PTPRD: variants seen among roughly 807,000 people sequenced by gnomAD.
PTPRD encodes receptor-type tyrosine-protein phosphatase delta.
In PTPRD, 34 loss-of-function variants were observed where a neutral mutation model predicts 214.5. The observed-to-expected ratio is 0.16, with a 90% CI of 0.12 to 0.21. The LOEUF (loss-of-function observed/expected upper bound fraction) is 0.21. Ranked by LOEUF, PTPRD falls within the 10% of genes least tolerant of loss-of-function variation. The pLI is 1.00. For missense variants in PTPRD, 2,545 were observed against 2,398.7 expected, an observed-to-expected ratio of 1.06 and a Z score of -1.27; for synonymous variants, 1,128 against 845.7, an observed-to-expected ratio of 1.33 and a Z score of -5.79.
chr9:8,713,433 G>C (rs1597718604), intron 12 of PTPRD: 1 of 1,096,434 alleles, frequency 9.1e-7, no homozygotes, highest in East Asian at 2.4e-5. Context: ...TCGTCGCCAA[G>C]TCCCGCTTCT....
chr9:9,401,787 T>A (rs187753286), intron 8 of PTPRD, among the ~76,000 whole-genome samples: 61 of 152,110 alleles, frequency 4.0e-4, no homozygotes, highest in African/African-American at 1.2e-3. Context: ...GTTCTCCTGA[T>A]AGTGAGTGAG....
chr9:8,848,324 T>TTTTTTTTTTTTTTTAG (rs2097744659), intron 11 of PTPRD, among the ~76,000 whole-genome samples: 1 of 149,512 alleles, frequency 6.7e-6, no homozygotes, highest in Non-Finnish European at 1.5e-5. Flanking sequence ...TTTTTTTTTT[T>TTTTTTTTTTTTTTTAG]TTTTTTTTTT....
intron 35 of PTPRD, among the ~76,000 whole-genome samples, chr9:8,431,309 G>T (rs927427685): frequency 4.6e-5 from 7 of 152,146 alleles, no homozygotes; most frequent in Admixed American, 6.5e-5. Context: ...ACGCTGGCTT[G>T]TATAAGGGGA....
At chr9:9,174,977 T>A (rs1055579536) in intron 10 of PTPRD, among the ~76,000 whole-genome samples, 2 of 152,076 alleles carry the variant, frequency 1.3e-5, no homozygotes, top group Non-Finnish European at 2.9e-5. Context: ...ATGGGATTAA[T>A]ATCATTATAA....
At chr9:10,416,306 C>A (rs1375246725) in intron 2 of PTPRD, among the ~76,000 whole-genome samples, 2 of 151,828 alleles carry the variant, frequency 1.3e-5, no homozygotes, top group Admixed American at 1.3e-4. Context: ...TTGCAGTGAG[C>A]CAAGATAGTA....
chr9:9,376,683 TA>T lies in PTPRD; in HGVS notation c.-203+20765del, dbSNP rs1307040657. Among the ~76,000 whole-genome samples the T allele has an allele frequency of 4.6e-5, 7 of 152,080 alleles. No individual in the cohort carries two copies. The East Asian group carries it at 1.3e-3, about 29-fold the overall frequency. On this transcript the variant is annotated intron_variant, in intron 9 of 45. Transcript: ENST00000381196. ...AGTCTTAAAAGGAAAAAAACATTAATAGAGTCATGTTCAAAAGCTTTTAATA... is the reference window on the plus strand; with the variant it reads ...AGTCTTAAAAGGAAAAAAACATTAATGAGTCATGTTCAAAAGCTTTTAATA...
chr9:10,334,945 T>G (rs2096819907), intron 3 of PTPRD, among the ~76,000 whole-genome samples: 1 of 151,660 alleles, frequency 6.6e-6, no homozygotes, highest in Non-Finnish European at 1.5e-5. Context: ...AAATTAAAAA[T>G]CTAAGTAAAT....
chr9:9,385,931 G>A (rs1386359365), intron 9 of PTPRD, among the ~76,000 whole-genome samples: 1 of 152,082 alleles, frequency 6.6e-6, no homozygotes, highest in Non-Finnish European at 1.5e-5. Flanking sequence ...CATAAAACAA[G>A]TATGAACACT....
intron 11 of PTPRD, among the ~76,000 whole-genome samples, chr9:8,757,969 T>C (rs746394038): frequency 5.9e-5 from 9 of 152,136 alleles, no homozygotes; most frequent in Non-Finnish European, 1.2e-4. Flanking sequence ...TTGGGCTGAA[T>C]GGGTGTTACA....
chr9:10,068,559 TATACAATAGTGGGG>T (rs1284949201), intron 3 of PTPRD, among the ~76,000 whole-genome samples: 1 of 151,894 alleles, frequency 6.6e-6, no homozygotes, highest in African/African-American at 2.4e-5. Context: ...AGATGCGAGG[TATACAATAGTGGGG>T]ACTGTGTTTT....
intron 8 of PTPRD, among the ~76,000 whole-genome samples, chr9:9,489,284 T>C (rs1331998609): frequency 2.6e-5 from 4 of 152,128 alleles, no homozygotes; most frequent in Non-Finnish European, 4.4e-5. Flanking sequence ...TTCCAAAAAA[T>C]AGCAGACGCT....
At chr9:9,276,846 G>A (rs1442847445) in intron 9 of PTPRD, among the ~76,000 whole-genome samples, 5 of 151,214 alleles carry the variant, frequency 3.3e-5, no homozygotes, top group African/African-American at 1.2e-4. Flanking sequence ...ATATTTTATT[G>A]CCATCATAAA....
At chr9:9,943,289 A>G (rs6477426) in intron 4 of PTPRD, among the ~76,000 whole-genome samples, 85,638 of 151,992 alleles carry the variant, frequency 0.56, 27,048 homozygotes, top group East Asian at 0.91. Flanking sequence ...GTGGAGGTTT[A>G]TTCTAGGCAG....
chr9:9,478,547 C>T (rs149430478), intron 8 of PTPRD, among the ~76,000 whole-genome samples: 7 of 152,176 alleles, frequency 4.6e-5, no homozygotes, highest in Admixed American at 2.0e-4. Flanking sequence ...TCCAAGGTCA[C>T]GCAGTAAGTA....
intron 3 of PTPRD, among the ~76,000 whole-genome samples, chr9:10,241,111 T>C: frequency 6.6e-6 from 1 of 151,864 alleles, no homozygotes; most frequent in Non-Finnish European, 1.5e-5. Flanking sequence ...TCAACATCAT[T>C]AACTATTAAA....
At chr9:8,979,052 C>A (rs1370899746) in intron 11 of PTPRD, among the ~76,000 whole-genome samples, 4 of 151,948 alleles carry the variant, frequency 2.6e-5, no homozygotes, top group Non-Finnish European at 5.9e-5. Context: ...GGCAACAGAC[C>A]CAAACTTGTA....
At chr9:9,314,212 G>A (rs571678073) in intron 9 of PTPRD, among the ~76,000 whole-genome samples, 1 of 152,082 alleles carries the variant, frequency 6.6e-6, no homozygotes. Flanking sequence ...GGAATAAAAA[G>A]AGGACTGCTC....
intron 4 of PTPRD, among the ~76,000 whole-genome samples, chr9:10,018,120 C>G (rs1040326857): frequency 3.3e-5 from 5 of 150,086 alleles, no homozygotes; most frequent in African/African-American, 1.2e-4. Flanking sequence ...CTCTCATACA[C>G]AAATACACAA....
intron 27 of PTPRD, among the ~76,000 whole-genome samples, chr9:8,487,147 T>G (rs1373227350): frequency 2.0e-5 from 3 of 152,176 alleles, no homozygotes; most frequent in Non-Finnish European, 2.9e-5. Flanking sequence ...TTATGAATAA[T>G]AAATGAGGAA....
Sources: gnomAD v4.1 joint callset for allele counts (sites outside exome capture counted in the v4.1 genomes callset) on GRCh38, gnomAD v4.1.1 for gene constraint, MANE v1.5 for transcripts, NCBI Gene and HGNC (gene_info 2026-07-23, HGNC 2026-07-21) for gene names.